ADGRB3: variants seen among roughly 807,000 people sequenced by gnomAD.
ADGRB3 encodes the protein brain-specific angiogenesis inhibitor 3.
Under a neutral mutation model 193.4 loss-of-function variants are expected in ADGRB3, and 37 were observed. That is an observed-to-expected ratio of 0.19 (90% confidence interval 0.15 to 0.25). The LOEUF (loss-of-function observed/expected upper bound fraction) is 0.25, where lower values mean the gene tolerates loss of function less well. ADGRB3 is among the 10% of genes least tolerant of loss of function. The pLI, the probability that ADGRB3 is intolerant of heterozygous loss-of-function variation, is 1.00. For synonymous variants in ADGRB3, 690 were observed against 644.2 expected, an observed-to-expected ratio of 1.07 and a Z score of -1.08; for missense variants, 1,637 against 1,852.9, an observed-to-expected ratio of 0.88 and a Z score of 2.14.
intron 3 of ADGRB3, among the ~76,000 whole-genome samples, chr6:68,696,085 C>T (rs927031378): frequency 6.6e-6 from 1 of 151,998 alleles, no homozygotes; most frequent in Non-Finnish European, 1.5e-5. Flanking sequence ...GTCTTCTTGC[C>T]TGGCCAGAAC....
intron 7 of ADGRB3, 96 bp downstream of exon 7, chr6:68,956,284 A>T (rs1257666330): frequency 2.4e-6 from 3 of 1,253,530 alleles, no homozygotes; most frequent in Middle Eastern, 2.5e-4. Context: ...ATGAAAGAAG[A>T]TAATCATTAT....
intron 3 of ADGRB3, among the ~76,000 whole-genome samples, chr6:68,691,441 G>A (rs1022844778): frequency 6.6e-6 from 1 of 151,946 alleles, no homozygotes; most frequent in Non-Finnish European, 1.5e-5. Flanking sequence ...AATTGATGTG[G>A]CTATGGCTAG....
intron 16 of ADGRB3, among the ~76,000 whole-genome samples, chr6:69,068,169 T>C (rs1160537792): frequency 5.9e-5 from 9 of 152,140 alleles, no homozygotes; most frequent in African/African-American, 2.2e-4. Flanking sequence ...TAGTGACTCC[T>C]CCAAAGACGT....
intron 3 of ADGRB3, among the ~76,000 whole-genome samples, chr6:68,796,504 G>A (rs1767211349): frequency 6.6e-6 from 1 of 152,004 alleles, no homozygotes; most frequent in Non-Finnish European, 1.5e-5. Flanking sequence ...CCAGTCTTTC[G>A]AAGTGATTTC....
chr6:68,840,369 C>CTTTTTTTTTTTTTTTTTTT (rs752625602), intron 3 of ADGRB3, among the ~76,000 whole-genome samples: 5 of 69,426 alleles, frequency 7.2e-5, no homozygotes, highest in African/African-American at 7.5e-5. Flanking sequence ...ACTGGGCAGT[C>CTTTTTTTTTTTTTTTTTTT]TTTTTTTTTT....
intron 17 of ADGRB3, among the ~76,000 whole-genome samples, chr6:69,151,410 C>T (rs925251906): frequency 2.0e-5 from 3 of 152,164 alleles, no homozygotes; most frequent in Non-Finnish European, 4.4e-5. Context: ...CCCACAATCA[C>T]TGTGCTCCCC....
At chr6:68,721,982 A>G (rs1343797212) in intron 3 of ADGRB3, among the ~76,000 whole-genome samples, 3 of 151,646 alleles carry the variant, frequency 2.0e-5, no homozygotes, top group Non-Finnish European at 4.4e-5. Context: ...GCATTTTATG[A>G]AACAATTTTC....
chr6:68,648,509 A>G (rs1768270227), intron 3 of ADGRB3, among the ~76,000 whole-genome samples: 1 of 150,298 alleles, frequency 6.7e-6, no homozygotes, highest in South Asian at 2.1e-4. Flanking sequence ...TGGGCATGAG[A>G]AAGACATTGG....
At chr6:69,000,653 A>G (rs553152053) in intron 11 of ADGRB3, among the ~76,000 whole-genome samples, 29 of 152,352 alleles carry the variant, frequency 1.9e-4, no homozygotes, top group Admixed American at 8.5e-4. Flanking sequence ...ATACTTGGTT[A>G]TAATATAAGG....
intron 3 of ADGRB3, among the ~76,000 whole-genome samples, chr6:68,687,387 G>A (rs554114365): frequency 2.0e-5 from 3 of 152,106 alleles, no homozygotes; most frequent in East Asian, 3.9e-4. Flanking sequence ...GCATGGATTT[G>A]CAATGTTTTT....
chr6:69,353,846 C>G (rs1429950787), intron 26 of ADGRB3, among the ~76,000 whole-genome samples: 1 of 152,036 alleles, frequency 6.6e-6, no homozygotes, highest in Admixed American at 6.5e-5. Flanking sequence ...GGCAGATCAC[C>G]TGAGGTCAGA....
chr6:69,044,907 C>T (rs921018007), intron 13 of ADGRB3, among the ~76,000 whole-genome samples: 1 of 151,920 alleles, frequency 6.6e-6, no homozygotes, highest in African/African-American at 2.4e-5. Flanking sequence ...AGAAAGCTGC[C>T]CCATCTTCTA....
chr6:68,901,831 G>C (rs189854797), intron 3 of ADGRB3, among the ~76,000 whole-genome samples: 8 of 152,210 alleles, frequency 5.3e-5, no homozygotes, highest in Middle Eastern at 3.4e-3. Flanking sequence ...GACGCAAAAA[G>C]TAAAGCAATG....
intron 20 of ADGRB3, among the ~76,000 whole-genome samples, chr6:69,243,080 A>G (rs1766418074): frequency 1.3e-5 from 2 of 151,960 alleles, no homozygotes; most frequent in Non-Finnish European, 2.9e-5. Context: ...TGAAGATTTC[A>G]TAGCACTCTT....
chr6:69,241,896 G>T lies in ADGRB3; in HGVS notation c.2814+2670G>T, dbSNP rs186811433. On this transcript the variant is annotated intron_variant, in intron 20 of 31. Coordinates refer to ENST00000370598, the MANE Select transcript of ADGRB3 (RefSeq NM_001704.3). The stretch of plus-strand genomic sequence containing the variant: ...GAAGAAAATAAGAGATTATTAGTTT[G>T]TTCTTATGCTATATTAATTTTGCTT... Among the ~76,000 whole-genome samples, 422 of 151,950 alleles carry T rather than the reference G, an allele frequency of 2.8e-3. 4 individuals are homozygous for T. The highest frequency in any genetic ancestry group is 9.7e-3 in the African/African-American group (402 of 41,522).
intron 13 of ADGRB3, among the ~76,000 whole-genome samples, chr6:69,036,032 T>C (rs1770860043): frequency 6.6e-6 from 1 of 152,174 alleles, no homozygotes; most frequent in South Asian, 2.1e-4. Flanking sequence ...GTAGACAGTT[T>C]AGTATTAGGT....
chr6:68,705,863 G>A (rs1159848444), intron 3 of ADGRB3, among the ~76,000 whole-genome samples: 1 of 152,160 alleles, frequency 6.6e-6, no homozygotes, highest in Non-Finnish European at 1.5e-5. Flanking sequence ...GGAGTCAGTA[G>A]ATAGAAAATT....
At position 68,875,946 on chromosome 6, in the gene ADGRB3, T is replaced by C. The variant is rs186353329; in HGVS notation, c.758-54613T>C. 3.0e-3 allele frequency among the ~76,000 whole-genome samples: 462 copies of C among 152,250 alleles called. 2 individuals are homozygous for C. The highest frequency in any genetic ancestry group is 0.01 in the Middle Eastern group (3 of 294). On this transcript the variant is annotated intron_variant, in intron 3 of 31. Coordinates refer to ENST00000370598, the MANE Select transcript of ADGRB3 (RefSeq NM_001704.3). The stretch of plus-strand genomic sequence containing the variant: ...CATATACTGTATGTTTAAGATTAAT[T>C]GTTAGTGTTTTCAATTTAATGCTAA...
At chr6:68,656,743 T>C (rs1158076136) in intron 3 of ADGRB3, among the ~76,000 whole-genome samples, 1 of 151,550 alleles carries the variant, frequency 6.6e-6, no homozygotes, top group Non-Finnish European at 1.5e-5. Flanking sequence ...AGCAATGAGT[T>C]TCGGCTTCAT....
Sources: allele counts gnomAD v4.1 joint callset (sites outside exome capture counted in the v4.1 genomes callset), GRCh38; gene constraint gnomAD v4.1.1; transcripts MANE v1.5; gene names NCBI Gene and HGNC (gene_info 2026-07-23, HGNC 2026-07-21).